Variants in NTN4 observed in about 807,000 individuals in gnomAD.
NTN4 encodes the protein netrin-4.
Under a neutral mutation model 73.6 loss-of-function variants are expected in NTN4, and 32 were observed. The ratio of observed to expected loss-of-function variants is 0.44; its 90% CI spans 0.33 to 0.58. The LOEUF (loss-of-function observed/expected upper bound fraction) is 0.58. Ranked by LOEUF, NTN4 falls within the 20% of genes least tolerant of loss-of-function variation. The pLI is 0.04. For missense variants in NTN4, 654 were observed against 798.3 expected, an observed-to-expected ratio of 0.82 and a Z score of 2.18; for synonymous variants, 258 against 287.5, an observed-to-expected ratio of 0.90 and a Z score of 1.04.
intron 3 of NTN4, among the ~76,000 whole-genome samples, chr12:95,728,672 A>G (rs955608565): frequency 1.4e-4 from 22 of 152,284 alleles, no homozygotes; most frequent in African/African-American, 5.3e-4. Flanking sequence ...GCCTTTCAGA[A>G]ATTCTGAGAG....
intron 7 of NTN4, chr12:95,672,344 T>G: frequency 1.3e-6 from 1 of 795,220 alleles, no homozygotes; most frequent in Non-Finnish European, 2.3e-6. Context: ...GCATGGAGAG[T>G]GCATGGAACC....
intron 3 of NTN4, among the ~76,000 whole-genome samples, chr12:95,718,946 C>T (rs769064054): frequency 5.3e-5 from 8 of 152,088 alleles, no homozygotes; most frequent in Non-Finnish European, 1.0e-4. Context: ...GTACCACAGA[C>T]GTTGACCATA....
At chr12:95,685,298 G>A (rs1029702285) in intron 5 of NTN4, among the ~76,000 whole-genome samples, 1 of 152,132 alleles carries the variant, frequency 6.6e-6, no homozygotes, top group Non-Finnish European at 1.5e-5. Context: ...TCACTGGGAG[G>A]GTCCTCTGGA....
At chr12:95,665,752 C>G in intron 9 of NTN4, 58 bp downstream of exon 9, 1 of 1,387,210 alleles carries the variant, frequency 7.2e-7, no homozygotes, top group Non-Finnish European at 9.9e-7. Flanking sequence ...GGATGTAAGA[C>G]AAGCAGCAAA....
chr12:95,664,611 G>A (rs895427273), intron 9 of NTN4, among the ~76,000 whole-genome samples: 3 of 134,380 alleles, frequency 2.2e-5, no homozygotes, highest in Non-Finnish European at 1.6e-5. Context: ...ATCAAAGACC[G>A]CAAAAGACTT....
intron 3 of NTN4, among the ~76,000 whole-genome samples, chr12:95,730,406 A>G (rs1027519685): frequency 3.3e-5 from 5 of 152,156 alleles, no homozygotes; most frequent in African/African-American, 1.2e-4. Context: ...CTATAAATAA[A>G]TATCTAATTG....
intron 5 of NTN4, among the ~76,000 whole-genome samples, chr12:95,709,016 G>T (rs1434437372): frequency 6.6e-6 from 1 of 152,130 alleles, no homozygotes; most frequent in Non-Finnish European, 1.5e-5. Flanking sequence ...TTTGGGGCTT[G>T]GTGTGGAAAG....
chr12:95,672,790 G>T (rs12814200), intron 7 of NTN4: 143,589 of 1,312,712 alleles, frequency 0.11, 8,832 homozygotes, highest in Admixed American at 0.19. Context: ...TATTGCCAGC[G>T]CTCTGCCCTT....
chr12:95,782,352 G>C (rs1592720682), intron 2 of NTN4, among the ~76,000 whole-genome samples: 2 of 151,802 alleles, frequency 1.3e-5, no homozygotes, highest in African/African-American at 4.8e-5. Context: ...CTGAGGTGCA[G>C]GGGCGTGATC....
Position 95,748,481 on chromosome 12 carries a change from T to C in NTN4, c.586-10337A>G, listed in dbSNP as rs1295854753. Reference sequence around the variant, plus strand: ...AGTAAAACCTATTTTCTTTTCTTTTTTTTTTTTTTTTTTTGAGATGGAGTC... The same window carrying C: ...AGTAAAACCTATTTTCTTTTCTTTTCTTTTTTTTTTTTTTGAGATGGAGTC... On this transcript the variant is annotated intron_variant, in intron 2 of 9. Coordinates refer to ENST00000343702, the MANE Select transcript of NTN4 (RefSeq NM_021229.4). Among the ~76,000 whole-genome samples, 13 of 145,132 alleles carry C rather than the reference T, an allele frequency of 9.0e-5. No homozygotes were observed. The East Asian group carries it at 1.4e-3, about 16-fold the overall frequency.
intron 2 of NTN4, among the ~76,000 whole-genome samples, chr12:95,747,755 T>C (rs2078872651): frequency 6.6e-6 from 1 of 152,142 alleles, no homozygotes; most frequent in Non-Finnish European, 1.5e-5. Flanking sequence ...GATTTTCCAA[T>C]ATAAAAATAA....
intron 1 of NTN4, 104 bp from the exon 2 acceptor site, chr12:95,787,572 G>C: frequency 2.8e-6 from 3 of 1,079,266 alleles, no homozygotes; most frequent in South Asian, 1.6e-5. Flanking sequence ...AAAAGCGCTT[G>C]AGACTTTCGA....
intron 2 of NTN4, among the ~76,000 whole-genome samples, chr12:95,740,842 T>C (rs1207220818): frequency 6.6e-6 from 1 of 152,110 alleles, no homozygotes; most frequent in African/African-American, 2.4e-5. Context: ...CAAAGAATGG[T>C]TCCCCAGACC....
intron 2 of NTN4, among the ~76,000 whole-genome samples, chr12:95,780,346 C>G (rs181676268): frequency 2.0e-5 from 3 of 152,114 alleles, no homozygotes; most frequent in Admixed American, 1.3e-4. Flanking sequence ...AAGAAACTAC[C>G]ATCAGAGTGA....
In NTN4 at chr12:95,699,308, C is replaced by T. The variant is rs117012356; in HGVS notation, c.1180+11133G>A. On this transcript the variant is annotated intron_variant, in intron 5 of 9. Transcript: ENST00000343702. ...GAAGGAATGGACTGGTTCACAGGCACGAGAATAAACAAATGAAAGGTGCTT... is the reference window on the plus strand; with the variant it reads ...GAAGGAATGGACTGGTTCACAGGCATGAGAATAAACAAATGAAAGGTGCTT... 8.2e-3 allele frequency among the ~76,000 whole-genome samples: 1,240 copies of T among 152,082 alleles called. 15 individuals carry two copies. The highest frequency in any genetic ancestry group is 0.014 in the Non-Finnish European group (924 of 68,004).
chr12:95,739,043 T>G (rs1449026427), intron 2 of NTN4, among the ~76,000 whole-genome samples: 1 of 152,230 alleles, frequency 6.6e-6, no homozygotes, highest in Non-Finnish European at 1.5e-5. Flanking sequence ...ACATTATATT[T>G]GTAGTGGTTT....
chr12:95,790,465 G>C lies in NTN4; in HGVS notation c.-156C>G. 3 of 595,154 alleles carry C rather than the reference G, an allele frequency of 5.0e-6. No homozygotes were observed. The highest frequency in any genetic ancestry group is 8.0e-6 in the Non-Finnish European group (3 of 374,380). 36.9% of individuals were successfully genotyped at this position (595,154 alleles called of 1,614,324 possible). The stretch of plus-strand genomic sequence containing the variant: ...CGGGCTCGGTCAGCGGTCGCCGGCA[G>C]CTGGGAGCCAGGGGCCGGGACCGCG... On this transcript the variant is annotated 5_prime_UTR_variant, in exon 1 of 10. Transcript: ENST00000343702. This position sits in a 1 kb window ranked among gnomAD's most constrained non-coding sequence, Gnocchi z 6.5.
chr12:95,705,860 A>G (rs556845694), intron 5 of NTN4, among the ~76,000 whole-genome samples: 29 of 152,346 alleles, frequency 1.9e-4, no homozygotes, highest in African/African-American at 6.3e-4. Context: ...TGTAATTCCC[A>G]GAAACTAGCA....
intron 5 of NTN4, among the ~76,000 whole-genome samples, chr12:95,704,810 G>A (rs2078511489): frequency 6.6e-6 from 1 of 152,162 alleles, no homozygotes; most frequent in Non-Finnish European, 1.5e-5. Flanking sequence ...TAGTCACAAA[G>A]CGAATGGAGA....
Sources: allele counts gnomAD v4.1 joint callset (sites outside exome capture counted in the v4.1 genomes callset), GRCh38; gene constraint gnomAD v4.1.1; non-coding constraint Gnocchi (gnomAD v3.1); transcripts MANE v1.5; gene names NCBI Gene and HGNC (gene_info 2026-07-23, HGNC 2026-07-21).